The following PALLD variants were observed in gnomAD, a reference collection of about 807,000 sequenced individuals.
The protein encoded by PALLD is palladin, cytoskeletal associated protein.
A neutral mutation model predicts 123.5 loss-of-function variants in PALLD; 61 were observed. The observed-to-expected ratio is 0.49, with a 90% confidence interval of 0.40 to 0.61. The LOEUF (loss-of-function observed/expected upper bound fraction) is 0.61, where lower values mean the gene tolerates loss of function less well. PALLD is among the 20% of genes least tolerant of loss of function. PALLD has a pLI of 0.00. For synonymous variants in PALLD, 465 were observed against 496.4 expected (o/e 0.94, Z 0.84); for missense variants, 1,273 against 1,377.0 (o/e 0.92, Z 1.20).
chr4:168,549,087 T>G (rs1160148873), intron 2 of PALLD, among the ~76,000 whole-genome samples: 1 of 152,118 alleles, frequency 6.6e-6, no homozygotes, highest in African/African-American at 2.4e-5. Context: ...GAAAATATAA[T>G]TATCTCAGAA....
At chr4:168,652,924 T>G (rs2149926208) in intron 2 of PALLD, among the ~76,000 whole-genome samples, 1 of 152,320 alleles carries the variant, frequency 6.6e-6, no homozygotes, top group South Asian at 2.1e-4. Flanking sequence ...TGTGCCATTC[T>G]TTAGTGTTCA....
At chr4:168,676,693 C>T (rs1780874516) in intron 3 of PALLD, among the ~76,000 whole-genome samples, 1 of 151,740 alleles carries the variant, frequency 6.6e-6, no homozygotes, top group African/African-American at 2.4e-5. Context: ...TCACACCATT[C>T]TCCTGCCTCA....
chr4:168,809,880 A>C (rs1263811253), intron 10 of PALLD, among the ~76,000 whole-genome samples: 2 of 151,644 alleles, frequency 1.3e-5, no homozygotes, highest in East Asian at 3.9e-4. Flanking sequence ...AAAAAGAAAA[A>C]AAAATCAGAC....
At chr4:168,701,149 T>C (rs1783633233) in intron 8 of PALLD, among the ~76,000 whole-genome samples, 1 of 152,238 alleles carries the variant, frequency 6.6e-6, no homozygotes, top group Non-Finnish European at 1.5e-5. Context: ...AAAAAGGGAT[T>C]CTCTGAGAAA....
rs946413725 is a variant in PALLD at position 168,609,123 on chromosome 4, C to T, written c.909-59067C>T. Among the ~76,000 whole-genome samples, 211 of 151,986 alleles carry T rather than the reference C, an allele frequency of 1.4e-3. 4 individuals carry two copies. The highest frequency in any genetic ancestry group is 1.7e-3 in the African/African-American group (69 of 41,478). ...CTTCCTTTATTCAGACGCTGTGGCT[C>T]GGGTCAAGATACATATTAGCCAGAA... On this transcript the variant is annotated intron_variant, in intron 2 of 21. Transcript: ENST00000505667.
At chr4:168,789,699 T>C (rs1213942722) in intron 10 of PALLD, among the ~76,000 whole-genome samples, 3 of 137,620 alleles carry the variant, frequency 2.2e-5, no homozygotes, top group Non-Finnish European at 4.7e-5. Flanking sequence ...CGAGACTCCG[T>C]CTCAAAAAAA....
intron 10 of PALLD, among the ~76,000 whole-genome samples, chr4:168,798,680 G>A (rs1410520930): frequency 1.3e-5 from 2 of 152,128 alleles, no homozygotes; most frequent in African/African-American, 2.4e-5. Context: ...AAGTGGAACC[G>A]TATTGTAAAC....
chr4:168,877,811 G>GCGCCGCCCTCGCCCCCCTTCCCGC, intron 10 of PALLD: 1 of 1,253,496 alleles, frequency 8.0e-7, no homozygotes, highest in Non-Finnish European at 1.0e-6. Flanking sequence ...CCCGCGCAGC[G>GCGCCGCCCTCGCCCCCCTTCCCGC]CGCCGCCCTC....
In PALLD at chr4:168,670,231, T is replaced by C. The variant is rs182484484; in HGVS notation, c.1087+1863T>C. Among the ~76,000 whole-genome samples the C allele has an allele frequency of 7.8e-4, 119 of 152,328 alleles. 1 individual carries two copies. The East Asian group carries it at 0.023, about 29-fold the overall frequency. ...TTTGCTTGCAAGATTGCTAGAAATA[T>C]GATAAATTTTGGGTTGTGCTGCTTT... On this transcript the variant is annotated intron_variant, in intron 3 of 21. Coordinates refer to ENST00000505667, the MANE Select transcript of PALLD (RefSeq NM_001166108.2).
intron 2 of PALLD, among the ~76,000 whole-genome samples, chr4:168,617,321 G>T (rs1379630586): frequency 1.3e-5 from 2 of 152,108 alleles, no homozygotes; most frequent in African/African-American, 2.4e-5. Flanking sequence ...TAAACTAAAT[G>T]ATATAGACTC....
At chr4:168,574,858 T>C (rs920330965) in intron 2 of PALLD, among the ~76,000 whole-genome samples, 3 of 151,790 alleles carry the variant, frequency 2.0e-5, no homozygotes, top group Non-Finnish European at 4.4e-5. Flanking sequence ...AAAGCTAGAG[T>C]AAGAGATTAA....
At chr4:168,606,862 T>C (rs540843548) in intron 2 of PALLD, among the ~76,000 whole-genome samples, 121 of 152,260 alleles carry the variant, frequency 7.9e-4, no homozygotes, top group Middle Eastern at 3.4e-3. Flanking sequence ...AAAACCCACA[T>C]GGCCCCTAGG....
chr4:168,847,098 T>A (rs1020830635), intron 10 of PALLD, among the ~76,000 whole-genome samples: 1 of 152,232 alleles, frequency 6.6e-6, no homozygotes, highest in Non-Finnish European at 1.5e-5. Flanking sequence ...AAGGATCATC[T>A]ATTCTTTCCT....
intron 2 of PALLD, chr4:168,648,965 C>A (rs937733937): frequency 6.6e-6 from 1 of 152,228 alleles, no homozygotes; most frequent in Non-Finnish European, 1.5e-5. Flanking sequence ...TCTCTCCTCC[C>A]AGCAAGGTTT....
At chr4:168,845,602 C>T (rs960409021) in intron 10 of PALLD, among the ~76,000 whole-genome samples, 3 of 152,068 alleles carry the variant, frequency 2.0e-5, no homozygotes, top group Non-Finnish European at 4.4e-5. Flanking sequence ...ATTTTTTTAT[C>T]AGGGACTTGA....
At chr4:168,770,343 T>G (rs1281047924) in intron 10 of PALLD, among the ~76,000 whole-genome samples, 1 of 152,194 alleles carries the variant, frequency 6.6e-6, no homozygotes, top group Non-Finnish European at 1.5e-5. Flanking sequence ...TGTGTACCCC[T>G]CTGCCCTGAG....
intron 10 of PALLD, among the ~76,000 whole-genome samples, chr4:168,794,500 A>ATGCG (rs1554083972): frequency 3.2e-5 from 4 of 126,544 alleles, no homozygotes; most frequent in African/African-American, 1.2e-4. Flanking sequence ...GCACGCACAC[A>ATGCG]CACACGCACA....
At chr4:168,695,468 T>C (rs1475645372) in intron 8 of PALLD, among the ~76,000 whole-genome samples, 1 of 152,238 alleles carries the variant, frequency 6.6e-6, no homozygotes, top group East Asian at 1.9e-4. Context: ...GCAAACACAT[T>C]CAAACTTGAC....
At chr4:168,789,611 A>G (rs1324555822) in intron 10 of PALLD, among the ~76,000 whole-genome samples, 3 of 151,898 alleles carry the variant, frequency 2.0e-5, no homozygotes, top group Non-Finnish European at 2.9e-5. Context: ...AGGCTGAGGC[A>G]GGAGAATCGC....
Sources: allele counts gnomAD v4.1 joint callset (sites outside exome capture counted in the v4.1 genomes callset), GRCh38; gene constraint gnomAD v4.1.1; transcripts MANE v1.5; gene names NCBI Gene and HGNC (gene_info 2026-07-23, HGNC 2026-07-21).